Variants in EGLN1 observed in about 807,000 individuals in gnomAD.
The protein encoded by EGLN1 is egl nine homolog 1.
In EGLN1, 17 loss-of-function variants were observed where a neutral mutation model predicts 38.3. That is an observed-to-expected ratio of 0.44 (90% CI 0.30 to 0.67). The LOEUF is 0.67. Among genes scored for constraint, EGLN1 ranks in the 30% least tolerant of loss-of-function variants. EGLN1 has a pLI of 0.08. For missense variants in EGLN1, 477 were observed against 603.3 expected (o/e 0.79, Z 2.19); for synonymous variants, 283 against 257.5 (o/e 1.10, Z -0.95).
rs1688589408 is a variant in EGLN1, at chr1:231,398,602, C to A, written c.891+22396G>T. Among the ~76,000 whole-genome samples the A allele has an allele frequency of 2.0e-5, 3 of 152,222 alleles. No individual in the cohort carries two copies. The South Asian group carries it at 6.2e-4, about 31-fold the overall frequency. On this transcript the variant is annotated intron_variant, in intron 1 of 4. Coordinates refer to ENST00000366641, the MANE Select transcript of EGLN1 (RefSeq NM_022051.3). ...GACGGCAAGGCTCACAAAGCCCAAA[C>A]TATCTACTATTTGACTCTTTGGGGT...
intron 2 of EGLN1, among the ~76,000 whole-genome samples, 195 bp from the exon 3 acceptor site, chr1:231,370,893 ATATT>A (rs904221474): frequency 2.0e-5 from 3 of 152,032 alleles, no homozygotes; most frequent in Admixed American, 6.6e-5. Context: ...TATTTTAGGG[ATATT>A]TATTTATTTA....
At chr1:231,394,532 C>T (rs929736982) in intron 1 of EGLN1, among the ~76,000 whole-genome samples, 2 of 137,862 alleles carry the variant, frequency 1.5e-5, no homozygotes, top group Non-Finnish European at 3.2e-5. Flanking sequence ...GCGCCCGCCA[C>T]CACGCCCGAC....
chr1:231,373,023 C>A (rs1014256794), intron 2 of EGLN1, among the ~76,000 whole-genome samples: 1 of 152,022 alleles, frequency 6.6e-6, no homozygotes, highest in Non-Finnish European at 1.5e-5. Flanking sequence ...TTTAAAAAAT[C>A]AACCAAAAAA....
chr1:231,416,412 G>T (rs1175309478), intron 1 of EGLN1, among the ~76,000 whole-genome samples: 3 of 150,810 alleles, frequency 2.0e-5, no homozygotes, highest in Admixed American at 2.0e-4. Flanking sequence ...GATAAGTAAA[G>T]AGTTACATAC....
chr1:231,387,301 T>G (rs1238620423), intron 1 of EGLN1, among the ~76,000 whole-genome samples: 1 of 151,830 alleles, frequency 6.6e-6, no homozygotes, highest in African/African-American at 2.4e-5. Context: ...TGCCTACAGA[T>G]GGTTTTCATT....
chr1:231,399,307 A>G (rs1357861621), intron 1 of EGLN1, among the ~76,000 whole-genome samples: 1 of 152,228 alleles, frequency 6.6e-6, no homozygotes, highest in Non-Finnish European at 1.5e-5. Flanking sequence ...TACAGATTAG[A>G]AATCTAAGTT....
In EGLN1 at chr1:231,415,799, C is replaced by G. The variant is rs1445923441; in HGVS notation, c.891+5199G>C. Among the ~76,000 whole-genome samples the G allele has an allele frequency of 2.6e-5, 4 of 151,926 alleles. No individual in the cohort carries two copies. In the East Asian group the frequency reaches 5.8e-4, roughly 22 times the overall value. On this transcript the variant is annotated intron_variant, in intron 1 of 4. Transcript: ENST00000366641. ...TGGACTAAGGATACAGAAACCATAG[C>G]AGACCCAGGATCCAACCCAGATCTA... is the stretch of plus-strand genomic sequence containing the variant.
At chr1:231,385,830 A>G (rs980988371) in intron 1 of EGLN1, among the ~76,000 whole-genome samples, 11 of 152,178 alleles carry the variant, frequency 7.2e-5, no homozygotes, top group Non-Finnish European at 1.6e-4. Context: ...CAGTAACTGC[A>G]ATAAAAAGGA....
At chr1:231,383,045 G>T (rs1227028036) in intron 1 of EGLN1, among the ~76,000 whole-genome samples, 1 of 93,742 alleles carries the variant, frequency 1.1e-5, no homozygotes, top group South Asian at 4.1e-4. Context: ...GCAACAGAGC[G>T]AAACTCTGTC....
intron 1 of EGLN1, among the ~76,000 whole-genome samples, chr1:231,394,446 T>G (rs1437955366): frequency 1.3e-5 from 2 of 151,130 alleles, no homozygotes; most frequent in Admixed American, 6.6e-5. Context: ...TGGCGCAATC[T>G]CGGCTCACTG....
intron 1 of EGLN1, among the ~76,000 whole-genome samples, chr1:231,409,281 C>T (rs887871691): frequency 6.6e-6 from 1 of 150,768 alleles, no homozygotes; most frequent in Admixed American, 6.6e-5. Flanking sequence ...TCCTGGCCTG[C>T]AGACCAAGTT....
chr1:231,387,232 T>G (rs1037298086), intron 1 of EGLN1, among the ~76,000 whole-genome samples: 1 of 107,340 alleles, frequency 9.3e-6, no homozygotes, highest in Non-Finnish European at 2.2e-5. Context: ...ATGCTATATA[T>G]GTATACACAC....
intron 3 of EGLN1, chr1:231,369,516 T>C (rs1687759283): frequency 2.1e-6 from 2 of 964,426 alleles, no homozygotes; most frequent in Non-Finnish European, 2.5e-6. Context: ...AAAGGGCACA[T>C]CATGTGATGT....
At chr1:231,386,458 G>C (rs1388286083) in intron 1 of EGLN1, among the ~76,000 whole-genome samples, 1 of 152,174 alleles carries the variant, frequency 6.6e-6, no homozygotes, top group African/African-American at 2.4e-5. Flanking sequence ...AAATAATGAT[G>C]AGTCTGTTTC....
At chr1:231,420,720 A>G (rs1347427601) in intron 1 of EGLN1, among the ~76,000 whole-genome samples, 1 of 152,180 alleles carries the variant, frequency 6.6e-6, no homozygotes, top group African/African-American at 2.4e-5. Context: ...AAAAGAAAAT[A>G]GGAAAGTTAA....
At chr1:231,382,696 T>G (rs1688103543) in intron 1 of EGLN1, among the ~76,000 whole-genome samples, 1 of 152,192 alleles carries the variant, frequency 6.6e-6, no homozygotes, top group Non-Finnish European at 1.5e-5. Flanking sequence ...TGTTATTTGA[T>G]TCCAATTAGG....
At chr1:231,387,545 G>T (rs981332876) in intron 1 of EGLN1, among the ~76,000 whole-genome samples, 1 of 151,826 alleles carries the variant, frequency 6.6e-6, no homozygotes, top group African/African-American at 2.4e-5. Flanking sequence ...ATTTTTAGTA[G>T]AGACGGGGTT....
chr1:231,392,638 A>G (rs1688422137), intron 1 of EGLN1, among the ~76,000 whole-genome samples: 1 of 152,232 alleles, frequency 6.6e-6, no homozygotes, highest in Admixed American at 6.5e-5. Context: ...TAATGACAGT[A>G]TACACTTCAA....
intron 1 of EGLN1, among the ~76,000 whole-genome samples, chr1:231,402,743 A>C (rs970221852): frequency 1.5e-4 from 23 of 152,010 alleles, no homozygotes; most frequent in Admixed American, 1.5e-3. Flanking sequence ...CCTAGGTCTT[A>C]CATTTAGGTC....
Sources: gnomAD v4.1 joint callset for allele counts (sites outside exome capture counted in the v4.1 genomes callset) on GRCh38, gnomAD v4.1.1 for gene constraint, MANE v1.5 for transcripts, NCBI Gene and HGNC (gene_info 2026-07-23, HGNC 2026-07-21) for gene names.